MRC2: variants seen among roughly 807,000 people sequenced by gnomAD.
MRC2 encodes mannose receptor C-type 2.
MRC2 carries 84 observed loss-of-function variants against 206.2 expected under a neutral mutation model. The ratio of observed to expected loss-of-function variants is 0.41; its 90% CI spans 0.34 to 0.49. The LOEUF (loss-of-function observed/expected upper bound fraction) is 0.49, where lower values mean the gene tolerates loss of function less well. Ranked by LOEUF, MRC2 falls within the 20% of genes least tolerant of loss-of-function variation. MRC2 has a pLI of 0.31. For missense variants in MRC2, 1,676 were observed against 2,001.5 expected (o/e 0.84, Z 3.10); for synonymous variants, 798 against 800.0 (o/e 1.00, Z 0.04).
intron 1 of MRC2, among the ~76,000 whole-genome samples, chr17:62,653,815 G>A (rs2088586388): frequency 6.6e-6 from 1 of 152,126 alleles, no homozygotes; most frequent in Non-Finnish European, 1.5e-5. Flanking sequence ...GATGTCGGTG[G>A]GGATGTTGCA....
Position 62,675,941 on chromosome 17 carries a change from C to T in MRC2, c.1685+36C>T. On this transcript the variant is annotated intron_variant, in intron 10 of 29. Coordinates refer to ENST00000303375, the MANE Select transcript of MRC2 (RefSeq NM_006039.5). The surrounding 1 kb of genome is among the most constrained non-coding windows in gnomAD (Gnocchi z 4.1). ...GGCGGGTGCCCTGACTAGCCCTTGCCCATGTCTGGGCCTATTGTGGTCCCT... is the reference window on the plus strand; with the variant it reads ...GGCGGGTGCCCTGACTAGCCCTTGCTCATGTCTGGGCCTATTGTGGTCCCT... 2 of 1,561,720 alleles carry T rather than the reference C, an allele frequency of 1.3e-6. No individual in the cohort carries two copies. Among genetic ancestry groups the T allele is most frequent in the Non-Finnish European group, 1.8e-6 (2 of 1,133,008 alleles).
Position 62,667,608 on chromosome 17 carries a change from C to A in MRC2, c.1117+75C>A. 2 of 1,481,946 alleles carry A rather than the reference C, an allele frequency of 1.3e-6. No homozygotes were observed. The highest frequency in any genetic ancestry group is 1.8e-6 in the Non-Finnish European group (2 of 1,115,580). 91.8% of individuals were successfully genotyped at this position (1,481,946 alleles called of 1,614,324 possible). Reference sequence around the variant, plus strand: ...GACACAGCCACAGAGCCGTGGCAGGCCCAGCCTCTCCTCCGGTTACCACCA... The same window carrying A: ...GACACAGCCACAGAGCCGTGGCAGGACCAGCCTCTCCTCCGGTTACCACCA... On this transcript the variant is annotated intron_variant, in intron 6 of 29. Coordinates refer to ENST00000303375, the MANE Select transcript of MRC2 (RefSeq NM_006039.5). The surrounding 1 kb of genome is among the most constrained non-coding windows in gnomAD (Gnocchi z 4.1).
chr17:62,666,892 G>A lies in MRC2; in HGVS notation c.973+22G>A. 1 of 1,602,968 alleles carries A rather than the reference G, an allele frequency of 6.2e-7. No homozygotes were observed. The highest frequency in any genetic ancestry group is 8.5e-7 in the Non-Finnish European group (1 of 1,170,858). On this transcript the variant is annotated intron_variant, in intron 5 of 29. Coordinates refer to ENST00000303375, the MANE Select transcript of MRC2 (RefSeq NM_006039.5). The surrounding 1 kb of genome is among the most constrained non-coding windows in gnomAD (Gnocchi z 5.0). ...AGTGGTGAGGCACAAGGTTGGGGGC[G>A]CAGGGCAGCATAGGGGCCCCGCGGG... is the stretch of plus-strand genomic sequence containing the variant.
chr17:62,640,017 C>CTTTTTTTTTTT (rs56703312), intron 1 of MRC2, among the ~76,000 whole-genome samples: 860 of 74,312 alleles, frequency 0.012, no homozygotes, highest in Middle Eastern at 0.017. Flanking sequence ...CCATGCCCAG[C>CTTTTTTTTTTT]TTTTTTTTTT....
intron 1 of MRC2, among the ~76,000 whole-genome samples, chr17:62,653,732 G>A (rs2088585106): frequency 6.6e-6 from 1 of 152,118 alleles, no homozygotes; most frequent in Non-Finnish European, 1.5e-5. Flanking sequence ...GGGATGGAGG[G>A]GCTGTTGGGG....
At chr17:62,643,327 C>CAAAAAAAAA (rs59698063) in intron 1 of MRC2, among the ~76,000 whole-genome samples, 21 of 44,130 alleles carry the variant, frequency 4.8e-4, no homozygotes, top group Non-Finnish European at 6.2e-4. Context: ...GAAACTCCGT[C>CAAAAAAAAA]AAAAAAAAAA....
chr17:62,680,565 G>A lies in MRC2; in HGVS notation c.2473+112G>A. 1 of 1,474,774 alleles carries A rather than the reference G, an allele frequency of 6.8e-7. No homozygotes were observed. The highest frequency in any genetic ancestry group is 1.2e-5 in the South Asian group (1 of 83,678). 91.4% of individuals were successfully genotyped at this position (1,474,774 alleles called of 1,614,324 possible). A position where few individuals can be genotyped will look rare whatever the true frequency, so the allele number is the denominator to read the frequency against. On this transcript the variant is annotated intron_variant, in intron 16 of 29. Coordinates refer to ENST00000303375, the MANE Select transcript of MRC2 (RefSeq NM_006039.5). The surrounding 1 kb of genome is among the most constrained non-coding windows in gnomAD (Gnocchi z 4.8). The stretch of plus-strand genomic sequence containing the variant: ...GGAGGGGATGAGGAGTTCCGGTCGA[G>A]AGAAGGGGGACGGGGTTGGCTCGGA...
intron 1 of MRC2, among the ~76,000 whole-genome samples, chr17:62,640,439 G>A (rs537197643): frequency 4.1e-4 from 63 of 152,246 alleles, no homozygotes; most frequent in Admixed American, 2.2e-3. Context: ...TGAGGCTTGC[G>A]TTTTGAAAGC....
intron 6 of MRC2, among the ~76,000 whole-genome samples, chr17:62,669,784 G>A (rs557100944): frequency 3.3e-4 from 50 of 152,194 alleles, no homozygotes; most frequent in African/African-American, 1.1e-3. Context: ...TCGAACTCCT[G>A]TCTTCAAGTG....
Position 62,667,390 on chromosome 17 carries a change from A to G in MRC2, c.974A>G (p.Asp325Gly), listed in dbSNP as rs1447734350. 2 of 1,595,822 alleles carry G rather than the reference A, an allele frequency of 1.3e-6. No individual in the cohort carries two copies. Among genetic ancestry groups the G allele is most frequent in the South Asian group, 2.3e-5 (2 of 88,608 alleles). ...TGCTGGCGCCCTGCCCTCCCCACAG[A>G]CCAGCCGGACAACCCCAGTGAGGAG... ...SPLKYLNWES[D>G]QPDNPSEENC... The change falls in exon 6 of 30, where the codon GAC (aspartate) becomes GGC (glycine). Residue 325 changes from aspartate (D) to glycine (G), a missense_variant and splice_region_variant. Around this residue, in one of 3 missense-constraint regions of MRC2, gnomAD observed 1,354 missense variants for 1,636.6 expected, o/e 0.83. Coordinates refer to ENST00000303375, the MANE Select transcript of MRC2 (RefSeq NM_006039.5). The surrounding 1 kb of genome is among the most constrained non-coding windows in gnomAD (Gnocchi z 4.1).
At chr17:62,637,175 C>A (rs1477009704) in intron 1 of MRC2, among the ~76,000 whole-genome samples, 1 of 152,082 alleles carries the variant, frequency 6.6e-6, no homozygotes, top group Non-Finnish European at 1.5e-5. Context: ...CCAGCCTGGC[C>A]AGGTAAAACC....
At chr17:62,676,693 G>A (rs918921411) in intron 11 of MRC2, 162 bp downstream of exon 11, 21 of 775,694 alleles carry the variant, frequency 2.7e-5, no homozygotes, top group African/African-American at 1.6e-4. Context: ...GCCTGGCTCC[G>A]ATCATGACTC....
chr17:62,636,530 G>A (rs1375680863), intron 1 of MRC2, among the ~76,000 whole-genome samples: 5 of 149,452 alleles, frequency 3.3e-5, no homozygotes, highest in Admixed American at 6.7e-5. Flanking sequence ...GTGCAGCGGC[G>A]GGATCTCGGC....
intron 19 of MRC2, 126 bp from the exon 20 acceptor site, chr17:62,682,109 G>A (rs1445999952): frequency 7.6e-6 from 9 of 1,179,170 alleles, no homozygotes; most frequent in Middle Eastern, 2.1e-4. Context: ...ACTTGAATTC[G>A]GAGCTGGACA....
chr17:62,670,759 C>G (rs2088817649), intron 6 of MRC2, among the ~76,000 whole-genome samples: 1 of 152,112 alleles, frequency 6.6e-6, no homozygotes, highest in Non-Finnish European at 1.5e-5. Context: ...TGGGGCCGAT[C>G]TGTAGTGACT....
chr17:62,633,063 A>G (rs1470546457), intron 1 of MRC2, among the ~76,000 whole-genome samples: 1 of 152,198 alleles, frequency 6.6e-6, no homozygotes, highest in Non-Finnish European at 1.5e-5. Context: ...GTCTTCATTT[A>G]TAAGATGGGA....
In MRC2 at chr17:62,627,680, C is replaced by T; in HGVS notation, c.-123C>T. Reference sequence around the variant, plus strand: ...TCCTCCCCGGGAGGCATCACTTCGTCCCGACCCGGAGGAGGACGCGAGCCC... The same window carrying T: ...TCCTCCCCGGGAGGCATCACTTCGTTCCGACCCGGAGGAGGACGCGAGCCC... On this transcript the variant is annotated 5_prime_UTR_variant, in exon 1 of 30. Transcript: ENST00000303375. 1.5e-6 allele frequency: 1 copy of T among 668,776 alleles called. No individual in the cohort carries two copies. The highest frequency in any genetic ancestry group is 2.2e-6 in the Non-Finnish European group (1 of 456,168). 41.4% of individuals were successfully genotyped at this position (668,776 alleles called of 1,614,324 possible). A position where few individuals can be genotyped will look rare whatever the true frequency, so the allele number is the denominator to read the frequency against.
chr17:62,663,920 A>G (rs984431395), intron 1 of MRC2, among the ~76,000 whole-genome samples: 11 of 151,766 alleles, frequency 7.2e-5, no homozygotes, highest in South Asian at 2.1e-4. Context: ...AATCTTCAGA[A>G]AAGTATACAG....
Position 62,680,358 on chromosome 17 carries a change from G to T in MRC2, c.2437+50G>T. The T allele has an allele frequency of 6.2e-7, 1 of 1,613,686 alleles. No homozygotes were observed. Among genetic ancestry groups the T allele is most frequent in the Non-Finnish European group, 8.5e-7 (1 of 1,179,742 alleles). On this transcript the variant is annotated intron_variant, in intron 15 of 29. Transcript: ENST00000303375. This position sits in a 1 kb window ranked among gnomAD's most constrained non-coding sequence, Gnocchi z 4.8. Reference sequence around the variant, plus strand: ...CGCGGGATGGAGCGAAGGGTGGCGGGGCCAGGAATTCCAGGGAGGGTCTCC... The same window carrying T: ...CGCGGGATGGAGCGAAGGGTGGCGGTGCCAGGAATTCCAGGGAGGGTCTCC...
Sources: gnomAD v4.1 joint callset for allele counts (sites outside exome capture counted in the v4.1 genomes callset) on GRCh38, gnomAD v4.1.1 for gene constraint, gnomAD v4.1.1 regional missense constraint, Gnocchi (gnomAD v3.1) non-coding constraint, MANE v1.5 for transcripts, NCBI Gene and HGNC (gene_info 2026-07-23, HGNC 2026-07-21) for gene names.